The following FER1L6 variants were observed in gnomAD, a reference collection of about 807,000 sequenced individuals.
FER1L6 encodes fer-1 like family member 6, also known as fer-1-like protein 6.
In FER1L6, 177 loss-of-function variants were observed where a neutral mutation model predicts 219.2. The ratio of observed to expected loss-of-function variants is 0.81; its 90% CI spans 0.71 to 0.91. FER1L6 has a LOEUF of 0.91. FER1L6 is among the 40% of genes least tolerant of loss of function. The pLI is 0.00. For synonymous variants in FER1L6, 768 were observed against 824.3 expected (o/e 0.93, Z 1.17); for missense variants, 2,153 against 2,259.9 (o/e 0.95, Z 0.96).
Position 124,064,269 on chromosome 8 carries a change from G to A in FER1L6, c.3329-78G>A, listed in dbSNP as rs1169412616. 6 of 1,079,274 alleles carry A rather than the reference G, an allele frequency of 5.6e-6. No homozygotes were observed. The Admixed American group carries it at 1.2e-4, about 21-fold the overall frequency. The allele number at this position is 1,079,274 out of a possible 1,614,324, so 66.9% of individuals were successfully genotyped here. Reference sequence around the variant, plus strand: ...GACGTATTTGAATCCGAATCTGTCTGATTCCTAGTATTAGGTCCCTGAAAC... The same window carrying A: ...GACGTATTTGAATCCGAATCTGTCTAATTCCTAGTATTAGGTCCCTGAAAC... On this transcript the variant is annotated intron_variant, in intron 25 of 40. Transcript: ENST00000522917.
intron 1 of FER1L6, among the ~76,000 whole-genome samples, chr8:123,894,276 A>G (rs1812707372): frequency 6.6e-6 from 1 of 152,118 alleles, no homozygotes; most frequent in African/African-American, 2.4e-5. Context: ...CTATTTTCCC[A>G]TCGTAGTTAC....
chr8:123,880,267 C>T (rs1486721343), intron 1 of FER1L6, among the ~76,000 whole-genome samples: 1 of 152,142 alleles, frequency 6.6e-6, no homozygotes, highest in Non-Finnish European at 1.5e-5. Context: ...GACAGACCAA[C>T]CGAGCCTTCT....
intron 1 of FER1L6, among the ~76,000 whole-genome samples, chr8:123,913,469 T>A (rs909269643): frequency 2.6e-5 from 4 of 152,216 alleles, no homozygotes; most frequent in Admixed American, 6.5e-5. Context: ...TGTGTTTTTT[T>A]ACTTTGGGCT....
intron 1 of FER1L6, among the ~76,000 whole-genome samples, chr8:123,898,379 T>C (rs1244466566): frequency 2.6e-5 from 4 of 151,888 alleles, no homozygotes; most frequent in Admixed American, 6.6e-5. Flanking sequence ...TTTTGGTGCA[T>C]CCGTCACCCA....
rs1473321767 is a variant in FER1L6, at chr8:124,118,928, C to T, written c.5374C>T (p.Pro1792Ser). 10 of 1,613,354 alleles carry T rather than the reference C, an allele frequency of 6.2e-6. No individual in the cohort carries two copies. The highest frequency in any genetic ancestry group is 8.5e-6 in the Non-Finnish European group (10 of 1,179,744). Residue 1792 changes from proline to serine, a missense_variant, in exon 40 of 41, where the codon CCC (proline) becomes TCC (serine). Transcript: ENST00000522917. The part of the protein sequence containing the change: ...PVGKARKEPE[P>S]LAKPNRPDTS... Reference sequence around the variant, plus strand: ...TGGAAAAGCCCGAAAGGAGCCAGAGCCCCTGGCCAAGCCCAAGTGAGTGGA... The same window carrying T: ...TGGAAAAGCCCGAAAGGAGCCAGAGTCCCTGGCCAAGCCCAAGTGAGTGGA...
intron 1 of FER1L6, among the ~76,000 whole-genome samples, chr8:123,876,131 C>A (rs1817000876): frequency 1.3e-5 from 2 of 152,170 alleles, no homozygotes; most frequent in Admixed American, 6.6e-5. Flanking sequence ...TTCTCTGACC[C>A]CATGTCATGC....
At position 124,019,538 on chromosome 8, in the gene FER1L6, T is replaced by C. The variant is rs371492475; in HGVS notation, c.2013+1820T>C. ...AAGCATAGTGCCTGGTGTATAACATTAGCAGAGGCTTCCTATGTGCCACAC... is the reference window on the plus strand; with the variant it reads ...AAGCATAGTGCCTGGTGTATAACATCAGCAGAGGCTTCCTATGTGCCACAC... On this transcript the variant is annotated intron_variant, in intron 16 of 40. Coordinates refer to ENST00000522917, the MANE Select transcript of FER1L6 (RefSeq NM_001039112.2). Among the ~76,000 whole-genome samples, 4 of 152,204 alleles carry C rather than the reference T, an allele frequency of 2.6e-5. No individual in the cohort carries two copies. The East Asian group carries it at 5.8e-4, about 22-fold the overall frequency.
rs1443644974 is a variant in FER1L6 at position 124,064,472 on chromosome 8, G to A, written c.3454G>A (p.Ala1152Thr). 9 of 1,613,912 alleles carry A rather than the reference G, an allele frequency of 5.6e-6. No homozygotes were observed. The highest frequency in any genetic ancestry group is 5.0e-5 in the Admixed American group (3 of 59,952). ...PPTVVPDSAQ[A>T]QPAILVDVPD... Reference sequence around the variant, plus strand: ...CACAGTGGTGCCCGACTCTGCCCAGGCCCAGCCGGCCATCCTGGTTGACGT... The same window carrying A: ...CACAGTGGTGCCCGACTCTGCCCAGACCCAGCCGGCCATCCTGGTTGACGT... Residue 1152 changes from alanine (A) to threonine (T), a missense_variant, in exon 26 of 41, where the codon GCC (alanine) becomes ACC (threonine). Physicochemically the swap from Ala to Thr is moderately conservative, Grantham distance 58. Coordinates refer to ENST00000522917, the MANE Select transcript of FER1L6 (RefSeq NM_001039112.2).
intron 1 of FER1L6, among the ~76,000 whole-genome samples, chr8:123,917,392 A>G (rs1459235251): frequency 2.0e-5 from 3 of 152,210 alleles, no homozygotes; most frequent in Non-Finnish European, 4.4e-5. Context: ...TATCCACTCA[A>G]AGAACAGGCT....
intron 1 of FER1L6, among the ~76,000 whole-genome samples, chr8:123,868,217 T>G (rs1314710306): frequency 1.3e-5 from 2 of 152,214 alleles, no homozygotes; most frequent in Non-Finnish European, 1.5e-5. Flanking sequence ...GCGAGTAGGC[T>G]ACTTAGATTA....
At chr8:123,895,882 G>A (rs1812733984) in intron 1 of FER1L6, among the ~76,000 whole-genome samples, 1 of 152,186 alleles carries the variant, frequency 6.6e-6, no homozygotes, top group African/African-American at 2.4e-5. Context: ...GATGTTCTGT[G>A]CTGAGAAAAT....
chr8:124,006,536 A>G (rs908825737), intron 13 of FER1L6, among the ~76,000 whole-genome samples: 10 of 152,318 alleles, frequency 6.6e-5, no homozygotes, highest in African/African-American at 2.4e-4. Flanking sequence ...ATATATGAAC[A>G]CACACAATTT....
chr8:124,025,345 A>AT (rs1188751008), intron 18 of FER1L6, among the ~76,000 whole-genome samples: 2 of 151,906 alleles, frequency 1.3e-5, no homozygotes, highest in Non-Finnish European at 2.9e-5. Flanking sequence ...TCTTGAGTTA[A>AT]TTTTTTTGTA....
chr8:124,066,344 G>T, intron 26 of FER1L6, 84 bp from the exon 27 acceptor site: 1 of 1,511,870 alleles, frequency 6.6e-7, no homozygotes, highest in Non-Finnish European at 9.0e-7. Context: ...ACACCTAAAT[G>T]TTTTCTTCCT....
chr8:123,920,518 T>A (rs889417888), intron 1 of FER1L6, among the ~76,000 whole-genome samples: 3 of 152,228 alleles, frequency 2.0e-5, no homozygotes, highest in Admixed American at 6.5e-5. Flanking sequence ...ACAGTGACCA[T>A]GTCTGCGAGC....
In FER1L6 at chr8:124,082,293, T is replaced by C. The variant is rs1052209168; in HGVS notation, c.4226T>C (p.Phe1409Ser). ...AGTCTCTGCTTGGACCGCAGGTCAT[T>C]TGAGATCCAAGCCACATTCCCAAAA... Reference protein sequence around the residue: ...KQLNPVFGRSFEIQATFPKES... With the variant: ...KQLNPVFGRSSEIQATFPKES... Residue 1409 changes from phenylalanine (F) to serine (S), a missense_variant, in exon 33 of 41, where the codon TTT becomes TCT. Transcript: ENST00000522917. The C allele has an allele frequency of 1.9e-6, 3 of 1,612,582 alleles. 1 individual carries two copies. The highest frequency in any genetic ancestry group is 2.5e-6 in the Non-Finnish European group (3 of 1,179,238).
intron 33 of FER1L6, among the ~76,000 whole-genome samples, chr8:124,087,934 G>C (rs557077207): frequency 6.6e-6 from 1 of 152,118 alleles, no homozygotes; most frequent in Non-Finnish European, 1.5e-5. Flanking sequence ...CCAAACAAAT[G>C]GGGTTTATCT....
intron 29 of FER1L6, among the ~76,000 whole-genome samples, 164 bp from the exon 30 acceptor site, chr8:124,070,303 A>G (rs1486995838): frequency 2.6e-5 from 4 of 152,220 alleles, no homozygotes; most frequent in Non-Finnish European, 5.9e-5. Context: ...AGGAGTGCTG[A>G]GCCAATCCAC....
At chr8:123,887,976 A>G (rs1213462605) in intron 1 of FER1L6, among the ~76,000 whole-genome samples, 1 of 152,166 alleles carries the variant, frequency 6.6e-6, no homozygotes, top group Non-Finnish European at 1.5e-5. Flanking sequence ...CTTAGTCTTG[A>G]TGAAACAAGT....
Sources: gnomAD v4.1 joint callset for allele counts (sites outside exome capture counted in the v4.1 genomes callset) on GRCh38, gnomAD v4.1.1 for gene constraint, MANE v1.5 for transcripts, NCBI Gene and HGNC (gene_info 2026-07-23, HGNC 2026-07-21) for gene names.